SLC8A1: variants seen among roughly 807,000 people sequenced by gnomAD.
SLC8A1 encodes the protein sodium/calcium exchanger 1.
Under a neutral mutation model 68.3 loss-of-function variants are expected in SLC8A1, and 18 were observed. The ratio of observed to expected loss-of-function variants is 0.26; its 90% CI spans 0.18 to 0.39. SLC8A1 has a LOEUF of 0.39. Ranked by LOEUF, SLC8A1 falls within the 10% of genes least tolerant of loss-of-function variation. The pLI is 1.00. For synonymous variants in SLC8A1, 475 were observed against 415.5 expected (o/e 1.14, Z -1.74); for missense variants, 985 against 1,156.7 (o/e 0.85, Z 2.15).
At chr2:40,397,111 T>C (rs1255252980) in intron 2 of SLC8A1, among the ~76,000 whole-genome samples, 1 of 152,134 alleles carries the variant, frequency 6.6e-6, no homozygotes, top group Non-Finnish European at 1.5e-5. Flanking sequence ...AGGTGAAGTA[T>C]TGTTGTAGGG....
intron 2 of SLC8A1, among the ~76,000 whole-genome samples, chr2:40,372,579 G>A (rs1161330782): frequency 6.6e-6 from 1 of 151,888 alleles, no homozygotes; most frequent in African/African-American, 2.4e-5. Context: ...TCTTGTGGTT[G>A]ACTTCTTTTC....
chr2:40,452,874 G>A (rs1250712623), upstream of SLC8A1, among the ~76,000 whole-genome samples: 1 of 151,966 alleles, frequency 6.6e-6, no homozygotes, highest in Non-Finnish European at 1.5e-5. Context: ...TCGTGTGAAA[G>A]GCGTGCTGGT....
At chr2:40,424,940 A>G (rs554453118) in intron 2 of SLC8A1, among the ~76,000 whole-genome samples, 15 of 152,004 alleles carry the variant, frequency 9.9e-5, no homozygotes, top group Middle Eastern at 6.8e-3. Context: ...AATTATTACC[A>G]TTAAACTAGA....
chr2:40,271,657 G>A (rs2066046019), intron 2 of SLC8A1, among the ~76,000 whole-genome samples: 2 of 152,164 alleles, frequency 1.3e-5, no homozygotes. Flanking sequence ...GCCAAGAACA[G>A]TGACTTGCAC....
At chr2:40,344,270 C>G (rs1668561699) in intron 2 of SLC8A1, among the ~76,000 whole-genome samples, 1 of 152,162 alleles carries the variant, frequency 6.6e-6, no homozygotes, top group Non-Finnish European at 1.5e-5. Context: ...GGAGGCTCTG[C>G]TGATTTCATG....
At chr2:40,178,529 A>G (rs777236589) in intron 2 of SLC8A1, 36 bp from the exon 3 acceptor site, 18 of 1,536,438 alleles carry the variant, frequency 1.2e-5, no homozygotes, top group Non-Finnish European at 1.6e-5. Context: ...AACAAGGGGA[A>G]GAGGAAAGAG....
At chr2:40,127,426 G>C (rs2038364490) in intron 7 of SLC8A1, among the ~76,000 whole-genome samples, 1 of 152,194 alleles carries the variant, frequency 6.6e-6, no homozygotes, top group Non-Finnish European at 1.5e-5. Flanking sequence ...CTTCTAATGT[G>C]ATAACTGGGT....
intron 1 of SLC8A1, among the ~76,000 whole-genome samples, chr2:40,443,759 T>G (rs1160640810): frequency 6.6e-6 from 1 of 152,182 alleles, no homozygotes; most frequent in Non-Finnish European, 1.5e-5. Flanking sequence ...TTTCCCTCTC[T>G]TAGTATCATC....
chr2:40,418,458 C>G (rs1694520734), intron 2 of SLC8A1, among the ~76,000 whole-genome samples: 2 of 152,150 alleles, frequency 1.3e-5, no homozygotes, highest in Non-Finnish European at 1.5e-5. Context: ...ATCCGTCTGG[C>G]CTACTTCAAC....
At chr2:40,132,635 G>T (rs1212174249) in intron 7 of SLC8A1, among the ~76,000 whole-genome samples, 2 of 151,940 alleles carry the variant, frequency 1.3e-5, no homozygotes, top group Admixed American at 1.3e-4. Flanking sequence ...ATTAAAAACT[G>T]AAAAACATAA....
chr2:40,446,042 G>A (rs920550881), intron 1 of SLC8A1, among the ~76,000 whole-genome samples: 1 of 152,196 alleles, frequency 6.6e-6, no homozygotes, highest in Admixed American at 6.5e-5. Context: ...TGAGCTTTAA[G>A]GGAAAGCTGA....
rs542023090 is a variant in SLC8A1 at position 40,273,762 on chromosome 2, C to T, written c.1809-95907G>A. ...ATTTTATCCTCTTTCTGGCTTAATG[C>T]CTCAGATAGAGTGAAACTCCCGATA... On this transcript the variant is annotated intron_variant, in intron 2 of 7. Coordinates refer to ENST00000406785, the Ensembl canonical transcript of SLC8A1. Among the ~76,000 whole-genome samples, 25 of 152,188 alleles carry T rather than the reference C, an allele frequency of 1.6e-4. No individual in the cohort carries two copies. The South Asian group carries it at 5.2e-3, about 32-fold the overall frequency.
intron 4 of SLC8A1, among the ~76,000 whole-genome samples, chr2:40,174,196 T>C (rs774462477): frequency 3.3e-5 from 5 of 152,028 alleles, no homozygotes; most frequent in Non-Finnish European, 7.4e-5. Flanking sequence ...CAACATGATA[T>C]TATATTATGT....
At chr2:40,236,952 G>C (rs1574491592) in intron 2 of SLC8A1, among the ~76,000 whole-genome samples, 2 of 152,134 alleles carry the variant, frequency 1.3e-5, no homozygotes, top group South Asian at 4.1e-4. Context: ...GGCTTGTAGG[G>C]TTTCTGCCGA....
intron 2 of SLC8A1, among the ~76,000 whole-genome samples, chr2:40,244,468 T>A (rs1401811354): frequency 6.6e-6 from 1 of 151,834 alleles, no homozygotes; most frequent in African/African-American, 2.4e-5. Context: ...AAGACGTTAC[T>A]CTGATTTTTC....
At chr2:40,464,945 A>C (rs1461555051) in intron 1 of SLC8A1, among the ~76,000 whole-genome samples, 1 of 152,176 alleles carries the variant, frequency 6.6e-6, no homozygotes, top group Non-Finnish European at 1.5e-5. Context: ...AAGGAGCTGC[A>C]ACCTTGCCAC....
chr2:40,355,557 T>G (rs1038588769), intron 2 of SLC8A1, among the ~76,000 whole-genome samples: 1 of 152,142 alleles, frequency 6.6e-6, no homozygotes, highest in Non-Finnish European at 1.5e-5. Context: ...AATAGAGACC[T>G]TGACATGAAT....
intron 2 of SLC8A1, among the ~76,000 whole-genome samples, chr2:40,410,141 G>A (rs1402003870): frequency 2.0e-5 from 3 of 152,070 alleles, no homozygotes; most frequent in Non-Finnish European, 4.4e-5. Flanking sequence ...TAGAACACAT[G>A]ACTCTTTGAA....
At chr2:40,165,435 TA>T (rs1289995884) in intron 4 of SLC8A1, among the ~76,000 whole-genome samples, 1 of 152,112 alleles carries the variant, frequency 6.6e-6, no homozygotes, top group Non-Finnish European at 1.5e-5. Flanking sequence ...CTTCACTTTC[TA>T]GGGGCAACAG....
Sources: allele counts gnomAD v4.1 joint callset (sites outside exome capture counted in the v4.1 genomes callset), GRCh38; gene constraint gnomAD v4.1.1; transcripts MANE v1.5; gene names NCBI Gene and HGNC (gene_info 2026-07-23, HGNC 2026-07-21).